TSC2: variants seen among roughly 807,000 people sequenced by gnomAD.
The protein encoded by TSC2 is tuberin.
In TSC2, 29 loss-of-function variants were observed where a neutral mutation model predicts 202.2. The observed-to-expected ratio is 0.14, with a 90% CI of 0.11 to 0.20. The LOEUF (loss-of-function observed/expected upper bound fraction) is 0.20. TSC2 is among the 10% of genes least tolerant of loss of function. The pLI is 1.00. For synonymous variants in TSC2, 1,349 were observed against 1,044.0 expected (o/e 1.29, Z -5.63); for missense variants, 2,429 against 2,420.0 (o/e 1.00, Z -0.08).
chr16:2,080,101 G>C lies in TSC2; in HGVS notation c.3398-64G>C, dbSNP rs113581973. The C allele has an allele frequency of 1.9e-5, 31 of 1,603,634 alleles. No homozygotes were observed. In the African/African-American group the frequency reaches 2.3e-4, roughly 12 times the overall value. Reference sequence around the variant, plus strand: ...TTGCCAGGCTCGGGGGGAGCATTCAGCTTGAGGCTGGTGGTTTTGCATCAG... The same window carrying C: ...TTGCCAGGCTCGGGGGGAGCATTCACCTTGAGGCTGGTGGTTTTGCATCAG... On this transcript the variant is annotated intron_variant, in intron 29 of 41. Coordinates refer to ENST00000219476, the MANE Select transcript of TSC2 (RefSeq NM_000548.5).
chr16:2,063,996 C>T (rs1292705131), intron 14 of TSC2: 17 of 531,690 alleles, frequency 3.2e-5, no homozygotes, highest in Non-Finnish European at 4.4e-5. Context: ...AGGGCCTCAC[C>T]TCGGCTGCTC....
chr16:2,065,391 C>A, intron 15 of TSC2, 128 bp from the exon 16 acceptor site: 1 of 820,682 alleles, frequency 1.2e-6, no homozygotes, highest in South Asian at 1.4e-5. Flanking sequence ...CCAGCCTGGG[C>A]GACAGAGCAA....
rs1455799897 is a variant in TSC2 at position 2,071,897 on chromosome 16, C to G, written c.2060C>G (p.Ser687Cys). 6.3e-7 allele frequency: 1 copy of G among 1,596,144 alleles called. No individual in the cohort carries two copies. The highest frequency in any genetic ancestry group is 8.5e-7 in the Non-Finnish European group (1 of 1,171,814). Reference protein sequence around the residue: ...PAVRLGSVPYSLLFRVLLQCL... With the variant: ...PAVRLGSVPYCLLFRVLLQCL... The stretch of plus-strand genomic sequence containing the variant: ...GTGCGGCTGGGGTCCGTGCCCTACT[C>G]CCTGCTCTTCCGCGTCCTGCTGCAG... The change falls in exon 19 of 42, where the codon TCC (serine) becomes TGC (cysteine). Residue 687 changes from serine (S) to cysteine (C), a missense_variant. Transcript: ENST00000219476.
At chr16:2,070,240 T>C (rs1041240577) in intron 16 of TSC2, among the ~76,000 whole-genome samples, 2 of 152,214 alleles carry the variant, frequency 1.3e-5, no homozygotes, top group African/African-American at 4.8e-5. Flanking sequence ...TCCTCACCTG[T>C]TGATGACTGC....
At chr16:2,086,158 A>C in intron 36 of TSC2, 35 bp from the exon 37 acceptor site, 1 of 1,610,962 alleles carries the variant, frequency 6.2e-7, no homozygotes, top group Non-Finnish European at 8.5e-7. Flanking sequence ...CCGGCCCGGG[A>C]GTGATGCCAC....
chr16:2,064,178 G>A (rs1227328626), intron 14 of TSC2, 94 bp from the exon 15 acceptor site: 25 of 1,592,070 alleles, frequency 1.6e-5, no homozygotes, highest in African/African-American at 1.3e-4. Context: ...GGACATGTCC[G>A]CTGCTTGCGG....
intron 14 of TSC2, 59 bp from the exon 15 acceptor site, chr16:2,064,213 G>A (rs1239631784): frequency 8.7e-6 from 14 of 1,612,954 alleles, no homozygotes; most frequent in Middle Eastern, 1.6e-4. Flanking sequence ...AATTGGAAGT[G>A]TCACGAGATG....
rs1596464243 is a variant in TSC2 at position 2,088,555 on chromosome 16, T to G, written c.5369T>G (p.Val1790Gly). 1 of 1,611,394 alleles carries G rather than the reference T, an allele frequency of 6.2e-7. No individual in the cohort carries two copies. Among genetic ancestry groups the G allele is most frequent in the Non-Finnish European group, 8.5e-7 (1 of 1,179,928 alleles). Residue 1790 changes from valine (V) to glycine (G), a missense_variant, in exon 42 of 42, where the codon GTG (valine) becomes GGG (glycine). Transcript: ENST00000219476. ...TPAEPTPGYEVGQRKRLISSV... is the reference protein window; with the variant it reads ...TPAEPTPGYEGGQRKRLISSV... Reference sequence around the variant, plus strand: ...GCCGAGCCCACACCTGGCTATGAGGTGGGCCAGCGGAAGCGCCTCATCTCC... The same window carrying G: ...GCCGAGCCCACACCTGGCTATGAGGGGGGCCAGCGGAAGCGCCTCATCTCC...
chr16:2,072,446 T>C, intron 20 of TSC2, 83 bp downstream of exon 20: 2 of 1,579,738 alleles, frequency 1.3e-6, no homozygotes, highest in Non-Finnish European at 1.7e-6. Flanking sequence ...GCAGAGCGAG[T>C]GAGACCCTTC....
At position 2,055,427 on chromosome 16, in the gene TSC2, T is replaced by C. The variant is rs1257599991; in HGVS notation, c.507T>C (p.Asp169=). ...CTGACTTTGTCCTGCAGTGGATGGA[T>C]GTTGGCTTGTCCTCGGAATTCCTTC... The part of the protein sequence containing the change: ...ELADFVLQWM[D]VGLSSEFLLV... The change falls in exon 6 of 42, where the codon GAT becomes GAC. Residue 169 remains aspartate, a synonymous_variant. Transcript: ENST00000219476. The C allele has an allele frequency of 1.2e-6, 2 of 1,614,218 alleles. No homozygotes were observed. Among genetic ancestry groups the C allele is most frequent in the South Asian group, 1.1e-5 (1 of 91,092 alleles).
chr16:2,048,316 G>A (rs1280872532), intron 1 of TSC2: 1 of 1,001,608 alleles, frequency 1.0e-6, no homozygotes, highest in Non-Finnish European at 1.5e-6. Flanking sequence ...AGGACTTCGC[G>A]GCGGCAGTCC....
In TSC2 at chr16:2,085,293, A is replaced by G. The variant is rs878854109; in HGVS notation, c.4633A>G (p.Ile1545Val). The stretch of plus-strand genomic sequence containing the variant: ...GATCCCATCATACGACACCCACAAG[A>G]TCGCCGTCCTGTATGTTGGAGAAGG... ...DQIPSYDTHK[I>V]AVLYVGEGQS... is the part of the protein sequence containing the mutation. The change falls in exon 36 of 42, where the codon ATC becomes GTC. Residue 1545 changes from isoleucine to valine, a missense_variant. Transcript: ENST00000219476. The G allele has an allele frequency of 5.6e-6, 9 of 1,612,684 alleles. No homozygotes were observed. Among genetic ancestry groups the G allele is most frequent in the Non-Finnish European group, 7.6e-6 (9 of 1,179,926 alleles).
Position 2,086,978 on chromosome 16 carries a change from A to C in TSC2, c.4989+107A>C, listed in dbSNP as rs114989209. 3.8e-3 allele frequency: 5,794 copies of C among 1,506,368 alleles called. 194 individuals carry two copies. In the African/African-American group the frequency reaches 0.067, roughly 17 times the overall value. The allele number at this position is 1,506,368 out of a possible 1,614,324, so 93.3% of individuals were successfully genotyped here. On this transcript the variant is annotated intron_variant, in intron 38 of 41. Coordinates refer to ENST00000219476, the MANE Select transcript of TSC2 (RefSeq NM_000548.5). ...CTGAGCTTCGGTCACGAGGAGCAGG[A>C]GGAGAGGCCGCAGTGCTCAGGGCCC...
At chr16:2,048,386 A>G (rs1375137637) in intron 1 of TSC2, 2 of 850,152 alleles carry the variant, frequency 2.4e-6, no homozygotes, top group Admixed American at 4.1e-5. Context: ...AGCTCTCTAG[A>G]CCAGGCCTGG....
chr16:2,076,662 C>T (rs778723514), intron 25 of TSC2, 77 bp downstream of exon 25: 25 of 1,486,792 alleles, frequency 1.7e-5, no homozygotes, highest in Non-Finnish European at 2.2e-5. Context: ...CTGACGGTGC[C>T]TCCAAGTCAG....
chr16:2,076,361 G>C (rs1194322477), intron 24 of TSC2, 130 bp from the exon 25 acceptor site: 1 of 1,574,422 alleles, frequency 6.4e-7, no homozygotes. Context: ...ATTGAGGGGT[G>C]GGAGCTGGGT....
In TSC2 at chr16:2,083,674, G is replaced by T. The variant is rs1403293090; in HGVS notation, c.3884-21G>T. 5.1e-6 allele frequency: 8 copies of T among 1,567,418 alleles called. No individual in the cohort carries two copies. In the East Asian group the frequency reaches 1.6e-4, roughly 32 times the overall value. On this transcript the variant is annotated intron_variant, in intron 32 of 41. Coordinates refer to ENST00000219476, the MANE Select transcript of TSC2 (RefSeq NM_000548.5). ...GCCTGGCCCAGCCCCACATCCAGCA[G>T]CCCCGTCTGTGTCCTCCCAGACTCC...
chr16:2,070,175 G>T (rs1032550518), intron 16 of TSC2, among the ~76,000 whole-genome samples: 2 of 152,096 alleles, frequency 1.3e-5, no homozygotes, highest in Non-Finnish European at 2.9e-5. Flanking sequence ...CACACTCCCC[G>T]CCCCATTCTG....
chr16:2,072,804 A>T (rs753761183), intron 20 of TSC2, 45 bp from the exon 21 acceptor site: 1 of 1,612,620 alleles, frequency 6.2e-7, no homozygotes. Context: ...CTACCCCGTG[A>T]CCTGGCCGCT....
Sources: gnomAD v4.1 joint callset for allele counts (sites outside exome capture counted in the v4.1 genomes callset) on GRCh38, gnomAD v4.1.1 for gene constraint, MANE v1.5 for transcripts, NCBI Gene and HGNC (gene_info 2026-07-23, HGNC 2026-07-21) for gene names.